STX18: variants seen among roughly 807,000 people sequenced by gnomAD.
STX18 encodes the protein syntaxin-18.
Under a neutral mutation model 50.1 loss-of-function variants are expected in STX18, and 40 were observed. The ratio of observed to expected loss-of-function variants is 0.80; its 90% CI spans 0.62 to 1.04. STX18 has a LOEUF of 1.04. STX18 is among the 50% of genes least tolerant of loss of function. STX18 has a pLI of 0.00. For missense variants in STX18, 410 were observed against 415.8 expected, an observed-to-expected ratio of 0.99 and a Z score of 0.12; for synonymous variants, 158 against 151.8, an observed-to-expected ratio of 1.04 and a Z score of -0.30.
At chr4:4,527,127 T>C (rs1307486169) in intron 1 of STX18, among the ~76,000 whole-genome samples, 1 of 152,216 alleles carries the variant, frequency 6.6e-6, no homozygotes, top group Non-Finnish European at 1.5e-5. Context: ...GGGACCTATT[T>C]ATATATATTT....
intron 1 of STX18, among the ~76,000 whole-genome samples, chr4:4,539,584 C>T (rs1036529722): frequency 2.0e-5 from 3 of 152,172 alleles, no homozygotes; most frequent in Non-Finnish European, 4.4e-5. Context: ...ACAACACAGC[C>T]CATGAACTCA....
At chr4:4,437,944 G>T (rs562650852) in intron 6 of STX18, among the ~76,000 whole-genome samples, 1 of 152,238 alleles carries the variant, frequency 6.6e-6, no homozygotes, top group Non-Finnish European at 1.5e-5. Context: ...TGTGGTGATA[G>T]GCAGCACGTC....
intron 3 of STX18, 102 bp downstream of exon 3, chr4:4,459,270 C>T (rs1055802943): frequency 1.5e-5 from 12 of 814,708 alleles, no homozygotes; most frequent in South Asian, 3.3e-5. Context: ...AAACCTAAAT[C>T]GAAATAAGAA....
chr4:4,428,514 T>G (rs1312637656), intron 7 of STX18, among the ~76,000 whole-genome samples: 1 of 152,226 alleles, frequency 6.6e-6, no homozygotes, highest in African/African-American at 2.4e-5. Context: ...GTGCATGGCA[T>G]ATAGTAAGCT....
intron 1 of STX18, among the ~76,000 whole-genome samples, chr4:4,476,983 T>C (rs966946696): frequency 6.6e-6 from 1 of 152,078 alleles, no homozygotes; most frequent in African/African-American, 2.4e-5. Context: ...GCGGGTCACC[T>C]GAGGTCAGGA....
intron 5 of STX18, among the ~76,000 whole-genome samples, chr4:4,446,303 G>A (rs947641690): frequency 1.3e-5 from 2 of 151,862 alleles, no homozygotes; most frequent in African/African-American, 4.8e-5. Context: ...GGTAGACAAA[G>A]TAAAAATTAA....
chr4:4,430,665 G>A (rs891051890), intron 7 of STX18, among the ~76,000 whole-genome samples: 6 of 152,218 alleles, frequency 3.9e-5, no homozygotes, highest in African/African-American at 1.4e-4. Context: ...AATGTGGGGA[G>A]AGGAGCCGTA....
At chr4:4,500,577 C>T (rs946618814) in intron 1 of STX18, among the ~76,000 whole-genome samples, 3 of 152,076 alleles carry the variant, frequency 2.0e-5, no homozygotes, top group Non-Finnish European at 4.4e-5. Context: ...GAAACCAATC[C>T]CCTGAGGATA....
At chr4:4,522,709 G>T (rs1730567747) in intron 1 of STX18, among the ~76,000 whole-genome samples, 1 of 151,772 alleles carries the variant, frequency 6.6e-6, no homozygotes, top group African/African-American at 2.4e-5. Flanking sequence ...TATGTGAAGT[G>T]TGGAAGAAAC....
Position 4,482,379 on chromosome 4 carries a change from G to A in STX18, c.169-10673C>T, listed in dbSNP as rs143932460. Among the ~76,000 whole-genome samples the A allele has an allele frequency of 2.0e-3, 305 of 152,196 alleles. 1 individual carries two copies. The highest frequency in any genetic ancestry group is 6.9e-3 in the African/African-American group (287 of 41,530). On this transcript the variant is annotated intron_variant, in intron 1 of 10. Transcript: ENST00000306200. ...CGCCTCAAAAGCAATATGTCCCAAC[G>A]GTATCCTCATGCAGCCACTCACACC...
chr4:4,506,493 A>G (rs1338769876), intron 1 of STX18, among the ~76,000 whole-genome samples: 4 of 152,226 alleles, frequency 2.6e-5, no homozygotes, highest in African/African-American at 7.2e-5. Flanking sequence ...ATAGCAATGG[A>G]GAACCGTTTG....
At chr4:4,451,617 G>A (rs1726755697) in intron 5 of STX18, among the ~76,000 whole-genome samples, 1 of 152,150 alleles carries the variant, frequency 6.6e-6, no homozygotes, top group East Asian at 1.9e-4. Flanking sequence ...TTATATTTCT[G>A]ATCTGTGATC....
intron 5 of STX18, among the ~76,000 whole-genome samples, chr4:4,452,733 C>A (rs1726825317): frequency 6.6e-6 from 1 of 152,192 alleles, no homozygotes; most frequent in African/African-American, 2.4e-5. Context: ...TAGGCTATAG[C>A]TGCTATAGAT....
At chr4:4,500,949 A>G (rs998375305) in intron 1 of STX18, among the ~76,000 whole-genome samples, 3 of 152,284 alleles carry the variant, frequency 2.0e-5, no homozygotes, top group Non-Finnish European at 2.9e-5. Context: ...AAGCAGGAGA[A>G]TTGCTAGAAC....
At chr4:4,436,100 A>C (rs761330715) in intron 6 of STX18, among the ~76,000 whole-genome samples, 1 of 152,254 alleles carries the variant, frequency 6.6e-6, no homozygotes, top group Non-Finnish European at 1.5e-5. Flanking sequence ...TGAGATGGCA[A>C]CAAGTCCAGA....
chr4:4,475,949 T>G (rs1050722146), intron 1 of STX18, among the ~76,000 whole-genome samples: 1 of 152,212 alleles, frequency 6.6e-6, no homozygotes, highest in Non-Finnish European at 1.5e-5. Flanking sequence ...TGTTTCCACA[T>G]GCAGTGCTAA....
At chr4:4,500,762 A>G (rs1729412834) in intron 1 of STX18, among the ~76,000 whole-genome samples, 1 of 152,208 alleles carries the variant, frequency 6.6e-6, no homozygotes, top group Non-Finnish European at 1.5e-5. Context: ...TTGGCCAGGC[A>G]CGGTGGCTCA....
intron 9 of STX18, 151 bp from the exon 10 acceptor site, chr4:4,421,095 AG>A (rs1318059414): frequency 1.4e-6 from 1 of 724,226 alleles, no homozygotes; most frequent in African/African-American, 1.8e-5. Flanking sequence ...TTTGAAGTTT[AG>A]GGATGCTTGA....
chr4:4,529,996 C>G (rs1731019938), intron 1 of STX18, among the ~76,000 whole-genome samples: 1 of 152,170 alleles, frequency 6.6e-6, no homozygotes, highest in Non-Finnish European at 1.5e-5. Context: ...TTACCACAGA[C>G]TTCCTTTAAA....
Sources: gnomAD v4.1 joint callset for allele counts (sites outside exome capture counted in the v4.1 genomes callset) on GRCh38, gnomAD v4.1.1 for gene constraint, MANE v1.5 for transcripts, NCBI Gene and HGNC (gene_info 2026-07-23, HGNC 2026-07-21) for gene names.